TSNARE1: variants seen among roughly 807,000 people sequenced by gnomAD.
TSNARE1 encodes the protein t-SNARE domain containing 1.
TSNARE1 carries 49 observed loss-of-function variants against 62.0 expected under a neutral mutation model. The ratio of observed to expected loss-of-function variants is 0.79; its 90% CI spans 0.63 to 1.00. TSNARE1 has a LOEUF of 1.00. Among genes scored for constraint, TSNARE1 ranks in the 50% least tolerant of loss-of-function variants. TSNARE1 has a pLI of 0.00. For missense variants in TSNARE1, 755 were observed against 700.1 expected (o/e 1.08, Z -0.88); for synonymous variants, 328 against 294.4 (o/e 1.11, Z -1.17).
intron 12 of TSNARE1, among the ~76,000 whole-genome samples, chr8:142,230,358 A>T (rs1817043987): frequency 6.6e-6 from 1 of 152,318 alleles, no homozygotes; most frequent in South Asian, 2.1e-4. Flanking sequence ...GGGAAGGGAG[A>T]CAGATTGGGA....
chr8:142,306,538 G>A (rs952956245), intron 9 of TSNARE1, among the ~76,000 whole-genome samples: 18 of 152,278 alleles, frequency 1.2e-4, no homozygotes, highest in Non-Finnish European at 1.9e-4. Context: ...AGCCAGGATC[G>A]CCAACTCCAC....
rs187447194 is a variant in TSNARE1, at chr8:142,305,674, T to C, written c.1132-5030A>G. Among the ~76,000 whole-genome samples the C allele has an allele frequency of 3.2e-4, 48 of 152,222 alleles. No individual in the cohort carries two copies. In the East Asian group the frequency reaches 6.2e-3, roughly 20 times the overall value. On this transcript the variant is annotated intron_variant, in intron 9 of 13. Coordinates refer to ENST00000524325, the MANE Select transcript of TSNARE1 (RefSeq NM_145003.5). ...AGGCTCACAAAGCGCTCCTTTATTC[T>C]CCCCACAAAGGCCCAATTTGGGTCT...
chr8:142,307,247 ACT>A (rs1197167158), intron 9 of TSNARE1, among the ~76,000 whole-genome samples: 2 of 151,806 alleles, frequency 1.3e-5, no homozygotes, highest in African/African-American at 4.8e-5. Context: ...GCCACAGCTC[ACT>A]CTTTTGGCTG....
chr8:142,307,464 C>CCACAGATATAAA (rs1182616390), intron 9 of TSNARE1, among the ~76,000 whole-genome samples: 2 of 152,192 alleles, frequency 1.3e-5, no homozygotes, highest in African/African-American at 4.8e-5. Context: ...GCGCAAGTCC[C>CCACAGATATAAA]TGATATAAAA....
chr8:142,302,755 G>C (rs1825989654), intron 9 of TSNARE1, among the ~76,000 whole-genome samples: 1 of 152,166 alleles, frequency 6.6e-6, no homozygotes, highest in African/African-American at 2.4e-5. Context: ...CTAGGCATGA[G>C]ATCTGGGTGC....
At chr8:142,280,805 G>A (rs1821304215) in intron 11 of TSNARE1, among the ~76,000 whole-genome samples, 1 of 152,182 alleles carries the variant, frequency 6.6e-6, no homozygotes, top group Non-Finnish European at 1.5e-5. Context: ...AAGGGGGGAG[G>A]ACAGAGCGAT....
intron 1 of TSNARE1, among the ~76,000 whole-genome samples, chr8:142,378,777 C>T (rs1836520166): frequency 1.3e-5 from 2 of 152,202 alleles, no homozygotes. Context: ...AAGCTACCGC[C>T]CAGAGGTCCT....
chr8:142,280,426 C>T (rs1355273111), intron 11 of TSNARE1: 2 of 699,284 alleles, frequency 2.9e-6, no homozygotes, highest in African/African-American at 3.9e-5. Flanking sequence ...TGCACAGCGG[C>T]CAGGCCTCGC....
At chr8:142,322,969 T>C (rs933733714) in intron 6 of TSNARE1, among the ~76,000 whole-genome samples, 6 of 151,358 alleles carry the variant, frequency 4.0e-5, no homozygotes, top group Non-Finnish European at 7.4e-5. Flanking sequence ...TGGACAACGA[T>C]ACTATTATGA....
intron 1 of TSNARE1, among the ~76,000 whole-genome samples, chr8:142,394,978 T>C (rs1376758370): frequency 6.6e-6 from 1 of 152,024 alleles, no homozygotes; most frequent in Admixed American, 6.5e-5. Flanking sequence ...TTCCGTAAGA[T>C]AGGGTGATGG....
chr8:142,361,786 C>A (rs551474589), intron 1 of TSNARE1, among the ~76,000 whole-genome samples: 1 of 152,280 alleles, frequency 6.6e-6, no homozygotes, highest in African/African-American at 2.4e-5. Flanking sequence ...AGGGAGCTGT[C>A]AGTTCACAGG....
At chr8:142,271,903 G>C (rs182692181) in intron 12 of TSNARE1, among the ~76,000 whole-genome samples, 6 of 152,008 alleles carry the variant, frequency 3.9e-5, no homozygotes, top group Admixed American at 3.3e-4. Flanking sequence ...AGTAGTGCTG[G>C]GACTGAAGCC....
intron 1 of TSNARE1, among the ~76,000 whole-genome samples, chr8:142,379,955 T>G (rs1408984801): frequency 6.7e-6 from 1 of 149,798 alleles, no homozygotes; most frequent in Non-Finnish European, 1.5e-5. Flanking sequence ...AAGGGCCTTC[T>G]TGTGCCGCTG....
chr8:142,219,966 G>A (rs1037965793), intron 13 of TSNARE1, among the ~76,000 whole-genome samples: 1 of 152,226 alleles, frequency 6.6e-6, no homozygotes, highest in Non-Finnish European at 1.5e-5. Context: ...GGAGGGGAAA[G>A]GTGGGGTCAG....
At chr8:142,277,919 C>T in intron 11 of TSNARE1, 2 of 985,380 alleles carry the variant, frequency 2.0e-6, no homozygotes, top group African/African-American at 1.7e-5. Context: ...TTCTCAGCCC[C>T]ACACCACATG....
intron 12 of TSNARE1, among the ~76,000 whole-genome samples, chr8:142,231,582 G>A (rs1018860096): frequency 3.3e-5 from 5 of 152,142 alleles, no homozygotes; most frequent in Admixed American, 2.0e-4. Context: ...ACATGACAGC[G>A]CCCATGGCTT....
intron 9 of TSNARE1, among the ~76,000 whole-genome samples, chr8:142,313,384 CTA>C (rs983534475): frequency 4.8e-5 from 7 of 147,214 alleles, no homozygotes; most frequent in East Asian, 2.1e-4. Context: ...GTCTGCATGT[CTA>C]TGTGTCTGCG....
rs1563782725 is a variant in TSNARE1, at chr8:142,256,343, T to C, written c.1446+18438A>G. On this transcript the variant is annotated intron_variant, in intron 12 of 13. Transcript: ENST00000524325. The stretch of plus-strand genomic sequence containing the variant: ...ACCATCACCATCTTTGCCACCATCA[T>C]CATCACCATCATTATCACCACCATC... 2.0e-3 allele frequency among the ~76,000 whole-genome samples: 262 copies of C among 129,252 alleles called. 1 individual carries two copies. The highest frequency in any genetic ancestry group is 2.5e-3 in the South Asian group (9 of 3,634). 84.8% of individuals were successfully genotyped at this position (129,252 alleles called of 152,430 possible).
intron 12 of TSNARE1, chr8:142,273,895 G>A (rs910762190): frequency 1.7e-5 from 17 of 984,988 alleles, no homozygotes; most frequent in African/African-American, 1.4e-4. Flanking sequence ...CTCCTCTCTC[G>A]TCACACCTGC....
Sources: gnomAD v4.1 joint callset for allele counts (sites outside exome capture counted in the v4.1 genomes callset) on GRCh38, gnomAD v4.1.1 for gene constraint, MANE v1.5 for transcripts, NCBI Gene and HGNC (gene_info 2026-07-23, HGNC 2026-07-21) for gene names.